Variants in ANO10 observed in about 807,000 individuals in gnomAD.
ANO10 encodes anoctamin-10.
Under a neutral mutation model 74.7 loss-of-function variants are expected in ANO10, and 77 were observed. The observed-to-expected ratio is 1.03, with a 90% CI of 0.86 to 1.25. The LOEUF is 1.25. ANO10 is among the 50% of genes most tolerant of loss of function. The pLI, the probability that ANO10 is intolerant of heterozygous loss-of-function variation, is 0.00. For missense variants in ANO10, 721 were observed against 778.1 expected (o/e 0.93, Z 0.87); for synonymous variants, 279 against 284.9 (o/e 0.98, Z 0.21).
At chr3:43,415,352 A>T (rs993746890) in intron 12 of ANO10, among the ~76,000 whole-genome samples, 1 of 151,976 alleles carries the variant, frequency 6.6e-6, no homozygotes, top group Non-Finnish European at 1.5e-5. Context: ...TAATGGTGAA[A>T]GCTGGTTTTT....
intron 4 of ANO10, among the ~76,000 whole-genome samples, chr3:43,585,200 G>C (rs574222650): frequency 1.3e-5 from 2 of 152,218 alleles, no homozygotes; most frequent in Admixed American, 6.5e-5. Flanking sequence ...AGGCATAAAA[G>C]AACAGAATAA....
intron 11 of ANO10, among the ~76,000 whole-genome samples, chr3:43,439,557 T>A (rs2093127558): frequency 6.6e-6 from 1 of 151,874 alleles, no homozygotes; most frequent in African/African-American, 2.4e-5. Context: ...GATAAAAACA[T>A]AAAACTAACT....
rs1039450951 is a variant in ANO10 at position 43,688,713 on chromosome 3, G to A, written c.-12+2804C>T. ...CAAAAAATTAGCTGGGCGTGGTGGC[G>A]GGTGCCTGGAATCCCAGCTACTCAG... is the stretch of plus-strand genomic sequence containing the variant. On this transcript the variant is annotated intron_variant, in intron 1 of 3. Transcript: ENST00000413397. Among the ~76,000 whole-genome samples, 5 of 151,932 alleles carry A rather than the reference G, an allele frequency of 3.3e-5. No individual in the cohort carries two copies. The South Asian group carries it at 6.2e-4, about 19-fold the overall frequency.
intron 1 of ANO10, among the ~76,000 whole-genome samples, chr3:43,640,240 AC>A (rs2083658317): frequency 6.6e-6 from 1 of 152,136 alleles, no homozygotes; most frequent in African/African-American, 2.4e-5. Flanking sequence ...TAAAAAATAT[AC>A]CCCCAGCTTA....
At chr3:43,473,179 T>C (rs193028923) in intron 11 of ANO10, among the ~76,000 whole-genome samples, 1 of 152,270 alleles carries the variant, frequency 6.6e-6, no homozygotes, top group East Asian at 1.9e-4. Flanking sequence ...GCTGTTTTCC[T>C]ACTAGACAGA....
chr3:43,440,269 A>T (rs191598435), intron 11 of ANO10, among the ~76,000 whole-genome samples: 51 of 152,146 alleles, frequency 3.4e-4, no homozygotes, highest in African/African-American at 9.4e-4. Context: ...AATGGATTTT[A>T]AAAAAAACCA....
At chr3:43,496,272 C>G (rs978175421) in intron 11 of ANO10, among the ~76,000 whole-genome samples, 1 of 152,072 alleles carries the variant, frequency 6.6e-6, no homozygotes, top group Non-Finnish European at 1.5e-5. Flanking sequence ...GTGGAATATT[C>G]TGTAGCCATT....
At chr3:43,485,461 C>T (rs1034165736) in intron 11 of ANO10, among the ~76,000 whole-genome samples, 2 of 152,104 alleles carry the variant, frequency 1.3e-5, no homozygotes, top group Admixed American at 6.5e-5. Context: ...GGTTCTCTTC[C>T]GTGACCCACG....
At chr3:43,446,185 G>A (rs2093243423) in intron 11 of ANO10, among the ~76,000 whole-genome samples, 1 of 152,216 alleles carries the variant, frequency 6.6e-6, no homozygotes, top group Non-Finnish European at 1.5e-5. Flanking sequence ...AACAGAGCAT[G>A]TGGATTCAGG....
At chr3:43,368,650 T>A (rs1207639982) in intron 12 of ANO10, among the ~76,000 whole-genome samples, 1 of 152,154 alleles carries the variant, frequency 6.6e-6, no homozygotes, top group East Asian at 1.9e-4. Flanking sequence ...CTCTTCTAGC[T>A]GTTATCATTT....
At chr3:43,529,630 A>C (rs2078368281) in intron 11 of ANO10, among the ~76,000 whole-genome samples, 1 of 152,216 alleles carries the variant, frequency 6.6e-6, no homozygotes, top group South Asian at 2.1e-4. Flanking sequence ...CATTCTGACA[A>C]AGTAGAAATA....
intron 7 of ANO10, among the ~76,000 whole-genome samples, chr3:43,566,783 C>G (rs1266644913): frequency 6.6e-6 from 1 of 152,234 alleles, no homozygotes; most frequent in Non-Finnish European, 1.5e-5. Flanking sequence ...GAGCGCCTCT[C>G]CTCCTCCAAA....
chr3:43,427,366 A>T (rs2148928278), intron 12 of ANO10, among the ~76,000 whole-genome samples: 1 of 152,264 alleles, frequency 6.6e-6, no homozygotes, highest in Admixed American at 6.5e-5. Flanking sequence ...AGGGAAGAAG[A>T]ATCTTCAGGG....
At chr3:43,518,112 C>G (rs990702422) in intron 11 of ANO10, among the ~76,000 whole-genome samples, 2 of 152,166 alleles carry the variant, frequency 1.3e-5, no homozygotes, top group Non-Finnish European at 2.9e-5. Context: ...CCTATCCTAT[C>G]TGGGCAAGTG....
At chr3:43,669,969 C>T (rs1416619933) in intron 1 of ANO10, among the ~76,000 whole-genome samples, 1 of 152,078 alleles carries the variant, frequency 6.6e-6, no homozygotes, top group Admixed American at 6.5e-5. Context: ...CATGATCCAC[C>T]CGCCTAGGCC....
In ANO10 at chr3:43,602,486, C is replaced by G. The variant is rs1274066771; in HGVS notation, c.140-1905G>C. Among the ~76,000 whole-genome samples, 3 of 152,302 alleles carry G rather than the reference C, an allele frequency of 2.0e-5. 1 individual carries two copies. In the South Asian group the frequency reaches 6.2e-4, roughly 32 times the overall value. ...CAAATAACTGAGATACAGGCACACA[C>G]AACCACATCCAGCTAATTTTTATAT... On this transcript the variant is annotated intron_variant, in intron 2 of 12. Coordinates refer to ENST00000292246, the MANE Select transcript of ANO10 (RefSeq NM_018075.5).
At chr3:43,560,556 G>C (rs1412468663) in intron 9 of ANO10, among the ~76,000 whole-genome samples, 2 of 152,214 alleles carry the variant, frequency 1.3e-5, no homozygotes, top group East Asian at 3.9e-4. Flanking sequence ...CAACAAGGAA[G>C]GTGCAGGATG....
At chr3:43,670,117 C>T (rs2084040069) in intron 1 of ANO10, among the ~76,000 whole-genome samples, 1 of 151,978 alleles carries the variant, frequency 6.6e-6, no homozygotes, top group Admixed American at 6.5e-5. Context: ...CTTTGGGAGG[C>T]TAAGGTAGGA....
At chr3:43,513,739 T>C (rs866497930) in intron 11 of ANO10, among the ~76,000 whole-genome samples, 30 of 152,136 alleles carry the variant, frequency 2.0e-4, no homozygotes, top group Middle Eastern at 3.2e-3. Flanking sequence ...CTTGATCTCC[T>C]GACCTTGTGA....
Sources: allele counts gnomAD v4.1 joint callset (sites outside exome capture counted in the v4.1 genomes callset), GRCh38; gene constraint gnomAD v4.1.1; transcripts MANE v1.5; gene names NCBI Gene and HGNC (gene_info 2026-07-23, HGNC 2026-07-21).